The following SUMF1 variants were observed in gnomAD, a reference collection of about 807,000 sequenced individuals.
SUMF1 encodes the protein formylglycine-generating enzyme.
SUMF1 carries 48 observed loss-of-function variants against 47.6 expected under a neutral mutation model. The observed-to-expected ratio is 1.01, with a 90% CI of 0.80 to 1.28. SUMF1 has a LOEUF of 1.28. SUMF1 is among the 50% of genes most tolerant of loss of function. SUMF1 has a pLI of 0.00. For synonymous variants in SUMF1, 230 were observed against 192.1 expected, an observed-to-expected ratio of 1.20 and a Z score of -1.63; for missense variants, 571 against 485.4, an observed-to-expected ratio of 1.18 and a Z score of -1.66.
chr3:4,234,698 T>A (rs1696371708), intron 8 of SUMF1, among the ~76,000 whole-genome samples: 1 of 152,110 alleles, frequency 6.6e-6, no homozygotes, highest in African/African-American at 2.4e-5. Flanking sequence ...AGGAAGTATT[T>A]GGGGAGAAGG....
In SUMF1 at chr3:4,449,286, T is replaced by C. The variant is rs770198464; in HGVS notation, c.499A>G (p.Lys167Glu). 6.2e-7 allele frequency: 1 copy of C among 1,614,156 alleles called. No individual in the cohort carries two copies. Among genetic ancestry groups the C allele is most frequent in the Admixed American group, 1.7e-5 (1 of 60,032 alleles). The change falls in exon 3 of 9, where the codon AAG becomes GAG. Residue 167 changes from lysine (K) to glutamate (E), a missense_variant. Transcript: ENST00000272902. ...VFEGMLSEQV[K>E]TNIQQAVAAA... is the part of the protein sequence containing the mutation. Reference sequence around the variant, plus strand: ...CTTACTGCCTGTTGAATATTGGTCTTCACTTGCTCACTCAACATGCCTTCA... The same window carrying C: ...CTTACTGCCTGTTGAATATTGGTCTCCACTTGCTCACTCAACATGCCTTCA...
At chr3:4,179,011 A>C (rs557736941) in intron 8 of SUMF1, among the ~76,000 whole-genome samples, 1 of 152,340 alleles carries the variant, frequency 6.6e-6, no homozygotes, top group Non-Finnish European at 1.5e-5. Context: ...TTCAAGGAGA[A>C]CTACAAACTA....
intron 8 of SUMF1, among the ~76,000 whole-genome samples, chr3:4,212,668 AG>A (rs1362486258): frequency 6.6e-6 from 1 of 152,210 alleles, no homozygotes; most frequent in East Asian, 1.9e-4. Context: ...CATTGAAAAA[AG>A]GTTACACGAA....
chr3:4,066,111 G>GTTCC (rs1695370988), intron 9 of SUMF1, among the ~76,000 whole-genome samples: 1 of 151,940 alleles, frequency 6.6e-6, no homozygotes, highest in African/African-American at 2.4e-5. Context: ...AGTGGATCTG[G>GTTCC]AAGGGAAACA....
chr3:4,416,599 G>C (rs942399494), intron 6 of SUMF1, among the ~76,000 whole-genome samples: 1 of 152,218 alleles, frequency 6.6e-6, no homozygotes, highest in Non-Finnish European at 1.5e-5. Context: ...CAGCTGTGCC[G>C]CTTTCCAGCT....
intron 8 of SUMF1, among the ~76,000 whole-genome samples, chr3:4,350,633 C>T (rs1463329179): frequency 6.6e-6 from 1 of 151,952 alleles, no homozygotes; most frequent in Non-Finnish European, 1.5e-5. Context: ...TTCAAAGAAA[C>T]TTGATAAATA....
chr3:4,348,213 T>C (rs1006153445), intron 8 of SUMF1, among the ~76,000 whole-genome samples: 2 of 152,214 alleles, frequency 1.3e-5, no homozygotes, highest in African/African-American at 4.8e-5. Flanking sequence ...AGAGCCTGGA[T>C]AGCCAAGACA....
intron 8 of SUMF1, among the ~76,000 whole-genome samples, chr3:4,277,666 G>C (rs557935201): frequency 6.6e-6 from 1 of 152,208 alleles, no homozygotes; most frequent in South Asian, 2.1e-4. Context: ...GCATAAATGA[G>C]AATGACTTTA....
At chr3:4,312,168 G>T (rs192069390) in intron 8 of SUMF1, among the ~76,000 whole-genome samples, 1 of 152,100 alleles carries the variant, frequency 6.6e-6, no homozygotes, top group African/African-American at 2.4e-5. Context: ...AATTCTGTGT[G>T]CAATTGACTT....
intron 8 of SUMF1, among the ~76,000 whole-genome samples, chr3:4,285,430 G>C (rs192355586): frequency 1.3e-5 from 2 of 151,990 alleles, no homozygotes; most frequent in South Asian, 2.1e-4. Flanking sequence ...CTTTTTTTGT[G>C]ACTCTCTAGA....
chr3:4,313,044 C>T (rs765991701), intron 8 of SUMF1: 22 of 1,613,664 alleles, frequency 1.4e-5, no homozygotes, highest in Non-Finnish European at 1.9e-5. Context: ...ATAACTCATG[C>T]CTTAGAGATA....
At chr3:4,146,882 C>A (rs1034029998) in intron 8 of SUMF1, among the ~76,000 whole-genome samples, 7 of 152,098 alleles carry the variant, frequency 4.6e-5, no homozygotes, top group African/African-American at 1.7e-4. Context: ...TTTTTTATGG[C>A]TGCATAGTAT....
intron 8 of SUMF1, chr3:4,316,659 G>A (rs1169067557): frequency 7.7e-6 from 12 of 1,551,158 alleles, no homozygotes; most frequent in African/African-American, 2.7e-5. Context: ...ACCATTTCTC[G>A]ATCGGATTGT....
chr3:4,125,090 A>C (rs1465830601), intron 8 of SUMF1, among the ~76,000 whole-genome samples: 2 of 152,146 alleles, frequency 1.3e-5, no homozygotes, highest in Admixed American at 6.5e-5. Context: ...TACAAAATAA[A>C]ATGTTAAATA....
intron 8 of SUMF1, among the ~76,000 whole-genome samples, chr3:4,154,522 C>T (rs1185499192): frequency 6.6e-6 from 1 of 151,534 alleles, no homozygotes; most frequent in Non-Finnish European, 1.5e-5. Flanking sequence ...ACTATTATCT[C>T]TGTTTTATAG....
In SUMF1 at chr3:4,186,485, T is replaced by A. The variant is rs73806923; in HGVS notation, c.1015-117740A>T. ...CAAATATATGTTGCTTGGTAAGAAA[T>A]AATTTAAGTAATAGGGGGAATTCAG... On this transcript the variant is annotated intron_variant and NMD_transcript_variant, in intron 8 of 12. Transcript: ENST00000448413. 4.1e-3 allele frequency among the ~76,000 whole-genome samples: 630 copies of A among 152,134 alleles called. 6 individuals are homozygous for A. Among genetic ancestry groups the A allele is most frequent in the African/African-American group, 0.014 (598 of 41,514 alleles).
In SUMF1 at chr3:4,233,874, G is replaced by A. The variant is rs538925645; in HGVS notation, c.1014+142456C>T. Reference sequence around the variant, plus strand: ...TAACAGCACCAGGGTTTGCACCGATGCACCAATAAATATTCATTTGTACCC... The same window carrying A: ...TAACAGCACCAGGGTTTGCACCGATACACCAATAAATATTCATTTGTACCC... On this transcript the variant is annotated intron_variant and NMD_transcript_variant, in intron 8 of 12. Coordinates refer to the SUMF1 transcript ENST00000448413. 9.2e-5 allele frequency among the ~76,000 whole-genome samples: 14 copies of A among 152,240 alleles called. No homozygotes were observed. In the East Asian group the frequency reaches 2.1e-3, roughly 23 times the overall value.
At chr3:4,039,209 A>ATATTTTT (rs1553588586) in intron 9 of SUMF1, among the ~76,000 whole-genome samples, 10 of 39,470 alleles carry the variant, frequency 2.5e-4, no homozygotes, top group African/African-American at 7.5e-4. Flanking sequence ...ATCTATGCAA[A>ATATTTTT]TTTTTTTTTT....
intron 8 of SUMF1, among the ~76,000 whole-genome samples, chr3:4,232,620 A>G (rs1219058507): frequency 6.6e-6 from 1 of 152,132 alleles, no homozygotes; most frequent in Non-Finnish European, 1.5e-5. Flanking sequence ...AAAAAAAATG[A>G]AAGAAAGCTA....
Sources: gnomAD v4.1 joint callset for allele counts (sites outside exome capture counted in the v4.1 genomes callset) on GRCh38, gnomAD v4.1.1 for gene constraint, MANE v1.5 for transcripts, NCBI Gene and HGNC (gene_info 2026-07-23, HGNC 2026-07-21) for gene names.